The following GPC5 variants were observed in gnomAD, a reference collection of about 807,000 sequenced individuals.
GPC5 encodes glypican 5, also known as glypican-5.
GPC5 carries 47 observed loss-of-function variants against 53.9 expected under a neutral mutation model. That is an observed-to-expected ratio of 0.87 (90% CI 0.69 to 1.11). GPC5 has a LOEUF of 1.11. GPC5 is among the 50% of genes most tolerant of loss of function. The pLI, the probability that GPC5 is intolerant of heterozygous loss-of-function variation, is 0.00. For synonymous variants in GPC5, 286 were observed against 263.3 expected (o/e 1.09, Z -0.84); for missense variants, 748 against 713.1 (o/e 1.05, Z -0.56).
chr13:92,381,962 G>GTATGTATCTATCTATC (rs1555331686), intron 7 of GPC5, among the ~76,000 whole-genome samples: 99 of 126,296 alleles, frequency 7.8e-4, no homozygotes, highest in South Asian at 1.7e-3. Flanking sequence ...ATGTATGTAT[G>GTATGTATCTATCTATC]TATCTATCTA....
chr13:92,014,729 C>T (rs1450759374), intron 6 of GPC5, among the ~76,000 whole-genome samples: 2 of 152,072 alleles, frequency 1.3e-5, no homozygotes, highest in Admixed American at 6.5e-5. Flanking sequence ...ATAATATATA[C>T]ATTATTGACT....
chr13:91,463,006 C>T (rs1338638131), intron 2 of GPC5, among the ~76,000 whole-genome samples: 3 of 151,986 alleles, frequency 2.0e-5, no homozygotes, highest in Non-Finnish European at 4.4e-5. Flanking sequence ...AATTTGACAG[C>T]ACTAGGTTAA....
At chr13:91,687,769 T>TAAAG (rs888490962) in intron 2 of GPC5, among the ~76,000 whole-genome samples, 2 of 152,078 alleles carry the variant, frequency 1.3e-5, no homozygotes, top group African/African-American at 4.8e-5. Flanking sequence ...ATCTGTTTCT[T>TAAAG]AAATTCCTTA....
chr13:92,155,492 T>C (rs964804066), intron 7 of GPC5, among the ~76,000 whole-genome samples: 1 of 152,148 alleles, frequency 6.6e-6, no homozygotes, highest in Non-Finnish European at 1.5e-5. Context: ...TAAATATTTT[T>C]CTAGGAGGCT....
intron 6 of GPC5, among the ~76,000 whole-genome samples, chr13:91,939,178 TA>T (rs533442928): frequency 4.1e-4 from 63 of 152,202 alleles, no homozygotes; most frequent in Admixed American, 7.9e-4. Context: ...TGCTATCATG[TA>T]AAAAAATTAT....
At chr13:91,424,627 G>A (rs1443309521) in intron 1 of GPC5, among the ~76,000 whole-genome samples, 6 of 152,128 alleles carry the variant, frequency 3.9e-5, no homozygotes, top group South Asian at 4.1e-4. Flanking sequence ...TCGGCCTCCC[G>A]AAGTGCTGGG....
At chr13:91,463,545 A>G (rs1169592178) in intron 2 of GPC5, among the ~76,000 whole-genome samples, 1 of 152,152 alleles carries the variant, frequency 6.6e-6, no homozygotes, top group Non-Finnish European at 1.5e-5. Flanking sequence ...ACTTTACCTA[A>G]TAATAAGGCT....
At chr13:92,586,527 T>C (rs1883543390) in intron 7 of GPC5, among the ~76,000 whole-genome samples, 2 of 152,196 alleles carry the variant, frequency 1.3e-5, no homozygotes, top group African/African-American at 4.8e-5. Flanking sequence ...AAGCAGCCAC[T>C]TTGGCGTCAG....
intron 7 of GPC5, among the ~76,000 whole-genome samples, chr13:92,402,529 G>A (rs893264047): frequency 6.6e-6 from 1 of 152,116 alleles, no homozygotes; most frequent in African/African-American, 2.4e-5. Context: ...AGGATTGTCA[G>A]TATAATGTCC....
chr13:91,830,994 A>AAT (rs567611177), intron 5 of GPC5, among the ~76,000 whole-genome samples: 14 of 136,340 alleles, frequency 1.0e-4, no homozygotes, highest in Non-Finnish European at 1.5e-4. Context: ...TTATATATAT[A>AAT]ATATATATAT....
At chr13:91,636,443 GTGTGTGTATT>G (rs774087932) in intron 2 of GPC5, among the ~76,000 whole-genome samples, 7 of 149,392 alleles carry the variant, frequency 4.7e-5, no homozygotes, top group African/African-American at 1.5e-4. Flanking sequence ...GTGTATTTGT[GTGTGTGTATT>G]TGTGTGTATC....
At position 92,214,176 on chromosome 13, in the gene GPC5, A is replaced by G. The variant is rs961644851; in HGVS notation, c.1561+69187A>G. ...ACCCTCTGTCCTTCACGTGAAAATC[A>G]AGGACTGCTCAAGTATAAATTTTTT... On this transcript the variant is annotated intron_variant, in intron 7 of 7. Coordinates refer to ENST00000377067, the MANE Select transcript of GPC5 (RefSeq NM_004466.6). 6.6e-5 allele frequency among the ~76,000 whole-genome samples: 10 copies of G among 152,260 alleles called. 1 individual carries two copies. In the South Asian group the frequency reaches 2.1e-3, roughly 32 times the overall value.
chr13:91,641,241 T>C (rs570050894), intron 2 of GPC5, among the ~76,000 whole-genome samples: 1 of 152,234 alleles, frequency 6.6e-6, no homozygotes, highest in South Asian at 2.1e-4. Flanking sequence ...GGCAGGAGAA[T>C]GGCGTGAACC....
intron 2 of GPC5, among the ~76,000 whole-genome samples, chr13:91,678,971 T>A (rs1213622279): frequency 6.6e-6 from 1 of 152,104 alleles, no homozygotes; most frequent in Non-Finnish European, 1.5e-5. Flanking sequence ...TTCTGTGGAG[T>A]TTGACTTTGT....
intron 7 of GPC5, among the ~76,000 whole-genome samples, chr13:92,414,949 G>C (rs74628045): frequency 6.6e-6 from 1 of 152,078 alleles, no homozygotes; most frequent in Non-Finnish European, 1.5e-5. Context: ...ACGCATTTTC[G>C]GGGATATAGA....
intron 7 of GPC5, among the ~76,000 whole-genome samples, chr13:92,863,692 C>T (rs943194425): frequency 6.6e-6 from 1 of 152,100 alleles, no homozygotes; most frequent in Non-Finnish European, 1.5e-5. Context: ...GGGGTTTCTC[C>T]ATGTTGGTCA....
intron 5 of GPC5, among the ~76,000 whole-genome samples, chr13:91,905,753 G>A (rs1320617145): frequency 6.6e-6 from 1 of 151,988 alleles, no homozygotes; most frequent in Non-Finnish European, 1.5e-5. Context: ...GGGTGTTTAT[G>A]GATAGTGCAA....
In GPC5 at chr13:91,915,731, T is replaced by A. The variant is rs187095345; in HGVS notation, c.1401+7674T>A. Among the ~76,000 whole-genome samples the A allele has an allele frequency of 5.3e-3, 805 of 152,298 alleles. 1 individual carries two copies. Among genetic ancestry groups the A allele is most frequent in the South Asian group, 0.012 (57 of 4,828 alleles). On this transcript the variant is annotated intron_variant, in intron 6 of 7. Coordinates refer to ENST00000377067, the MANE Select transcript of GPC5 (RefSeq NM_004466.6). ...TTGAAATATTTTGAAATATGGTTTT[T>A]TTCACAAAAGAGGTTCCAAATTACA...
chr13:92,343,015 C>T (rs1403882685), intron 7 of GPC5, among the ~76,000 whole-genome samples: 3 of 152,020 alleles, frequency 2.0e-5, no homozygotes, highest in Non-Finnish European at 4.4e-5. Flanking sequence ...GTATATTTAC[C>T]ATTTCCGTTA....
Sources: allele counts gnomAD v4.1 joint callset (sites outside exome capture counted in the v4.1 genomes callset), GRCh38; gene constraint gnomAD v4.1.1; transcripts MANE v1.5; gene names NCBI Gene and HGNC (gene_info 2026-07-23, HGNC 2026-07-21).